PLCXD1: variants seen among roughly 807,000 people sequenced by gnomAD.
PLCXD1 encodes PI-PLC X domain-containing protein 1.
Under a neutral mutation model 37.8 loss-of-function variants are expected in PLCXD1, and 45 were observed. The observed-to-expected ratio is 1.19, with a 90% CI of 0.94 to 1.53. The LOEUF is 1.53. PLCXD1 is among the 40% of genes most tolerant of loss of function. PLCXD1 has a pLI of 0.00. For missense variants in PLCXD1, 539 were observed against 454.7 expected (o/e 1.19, Z -1.69); for synonymous variants, 246 against 206.9 (o/e 1.19, Z -1.62).
rs765671866 is a variant in PLCXD1 at position 289,725 on chromosome X, A to C, written c.264+856A>C. 8.6e-5 allele frequency among the ~76,000 whole-genome samples: 13 copies of C among 150,916 alleles called. No individual in the cohort carries two copies. The East Asian group carries it at 2.4e-3, about 28-fold the overall frequency. On this transcript the variant is annotated intron_variant, in intron 3 of 6. Coordinates refer to ENST00000381657, the MANE Select transcript of PLCXD1 (RefSeq NM_018390.4). Reference sequence around the variant, plus strand: ...TCAGGGTTTCACTGTGTTAGCCAGGATGGTCTCGAACTCCTGACCTCGTGA... The same window carrying C: ...TCAGGGTTTCACTGTGTTAGCCAGGCTGGTCTCGAACTCCTGACCTCGTGA...
chrX:302,993 C>T lies in PLCXD1; in HGVS notation c.*3658C>T, dbSNP rs1702661012. 3 of 152,250 alleles carry T rather than the reference C, an allele frequency of 2.0e-5. No individual in the cohort carries two copies. The highest frequency in any genetic ancestry group is 3.4e-3 in the Middle Eastern group (1 of 296). 9.4% of individuals were successfully genotyped at this position (152,250 alleles called of 1,614,324 possible). A position where few individuals can be genotyped will look rare whatever the true frequency, so the allele number is the denominator to read the frequency against. On this transcript the variant is annotated 3_prime_UTR_variant, in exon 7 of 7. Coordinates refer to ENST00000381657, the MANE Select transcript of PLCXD1 (RefSeq NM_018390.4). Reference sequence around the variant, plus strand: ...AAGCAAATCGTGCATTTTTGTCTAACGAGAGACATCAGTTTCTCAGGATGA... The same window carrying T: ...AAGCAAATCGTGCATTTTTGTCTAATGAGAGACATCAGTTTCTCAGGATGA...
intron 2 of PLCXD1, among the ~76,000 whole-genome samples, chrX:284,638 GCA>G (rs1360503414): frequency 4.2e-4 from 60 of 143,616 alleles, no homozygotes; most frequent in East Asian, 4.0e-3. Context: ...ACGCACATCT[GCA>G]CACACACATG....
intron 6 of PLCXD1, among the ~76,000 whole-genome samples, chrX:294,538 G>A (rs2069744349): frequency 6.6e-6 from 1 of 151,808 alleles, no homozygotes; most frequent in African/African-American, 2.4e-5. Context: ...GCTGAGGCAG[G>A]AGAAATGCTT....
Position 282,662 on chromosome X carries a change from G to A in PLCXD1, c.-22+978G>A, listed in dbSNP as rs1259402140. On this transcript the variant is annotated intron_variant, in intron 1 of 6. Coordinates refer to ENST00000381657, the MANE Select transcript of PLCXD1 (RefSeq NM_018390.4). ...GGAGGTTGCAGTGAGCCGCGATCGCGCCATTGCAGTCCAGCCTGGGCAACG... is the reference window on the plus strand; with the variant it reads ...GGAGGTTGCAGTGAGCCGCGATCGCACCATTGCAGTCCAGCCTGGGCAACG... Among the ~76,000 whole-genome samples, 26 of 146,460 alleles carry A rather than the reference G, an allele frequency of 1.8e-4. 1 individual carries two copies. Among genetic ancestry groups the A allele is most frequent in the South Asian group, 6.4e-4 (3 of 4,682 alleles).
rs1251047547 is a variant in PLCXD1 at position 301,952 on chromosome X, A to G, written c.*2617A>G. Reference sequence around the variant, plus strand: ...CAAGCCAGTATTTCCCTGGCCCTAAATCATTCCTGGCTGGGTCCCAGCCCA... The same window carrying G: ...CAAGCCAGTATTTCCCTGGCCCTAAGTCATTCCTGGCTGGGTCCCAGCCCA... On this transcript the variant is annotated 3_prime_UTR_variant, in exon 7 of 7. Coordinates refer to ENST00000381657, the MANE Select transcript of PLCXD1 (RefSeq NM_018390.4). 2 of 152,318 alleles carry G rather than the reference A, an allele frequency of 1.3e-5. No individual in the cohort carries two copies. Among genetic ancestry groups the G allele is most frequent in the Non-Finnish European group, 2.9e-5 (2 of 68,178 alleles). The allele number at this position is 152,318 out of a possible 1,614,324, so 9.4% of individuals were successfully genotyped here. A position where few individuals can be genotyped will look rare whatever the true frequency, so the allele number is the denominator to read the frequency against.
chrX:289,722 A>G (rs953202083), intron 3 of PLCXD1, among the ~76,000 whole-genome samples: 3 of 151,168 alleles, frequency 2.0e-5, no homozygotes, highest in African/African-American at 4.9e-5. Context: ...TGTGTTAGCC[A>G]GGATGGTCTC....
At chrX:296,208 C>A (rs1281500951) in intron 6 of PLCXD1, among the ~76,000 whole-genome samples, 1 of 151,972 alleles carries the variant, frequency 6.6e-6, no homozygotes, top group African/African-American at 2.4e-5. Context: ...GCAACCTCCA[C>A]CTCCTGGATT....
At chrX:286,133 C>A (rs752071549) in intron 2 of PLCXD1, among the ~76,000 whole-genome samples, 2 of 151,924 alleles carry the variant, frequency 1.3e-5, no homozygotes, top group East Asian at 3.9e-4. Context: ...GGCTCCACCT[C>A]AGCTCATCGC....
At chrX:296,382 C>A (rs1467771608) in intron 6 of PLCXD1, among the ~76,000 whole-genome samples, 4 of 152,136 alleles carry the variant, frequency 2.6e-5, no homozygotes, top group Admixed American at 1.3e-4. Flanking sequence ...CTCAACCTCT[C>A]AACGTGCTGG....
chrX:290,548 G>A, intron 3 of PLCXD1, 100 bp from the exon 4 acceptor site: 2 of 1,287,296 alleles, frequency 1.6e-6, no homozygotes, highest in Non-Finnish European at 2.2e-6. Context: ...CGTCCCAGTG[G>A]GCAGCAGGAC....
At chrX:292,417 C>G (rs979725052) in intron 5 of PLCXD1, among the ~76,000 whole-genome samples, 78 of 151,838 alleles carry the variant, frequency 5.1e-4, no homozygotes, top group Non-Finnish European at 9.7e-4. Flanking sequence ...CGAGATCGCG[C>G]CACTGCATTC....
At chrX:278,267 G>A (rs971615085), upstream of PLCXD1, among the ~76,000 whole-genome samples, 36 of 152,072 alleles carry the variant, frequency 2.4e-4, no homozygotes, top group African/African-American at 8.7e-4. Context: ...GACTGTGACG[G>A]GGGAAGGGAC....
rs192937042 is a variant in PLCXD1, at chrX:289,790, C to T, written c.265-858C>T. On this transcript the variant is annotated intron_variant, in intron 3 of 6. Transcript: ENST00000381657. ...CCTCCCAAAGTGCTGGGATTACAGGCGTCAGCCACCGCGCCCGGCCGAGAC... is the reference window on the plus strand; with the variant it reads ...CCTCCCAAAGTGCTGGGATTACAGGTGTCAGCCACCGCGCCCGGCCGAGAC... 2.6e-3 allele frequency among the ~76,000 whole-genome samples: 400 copies of T among 152,004 alleles called. 8 individuals are homozygous for T. The East Asian group carries it at 0.053, about 20-fold the overall frequency.
chrX:295,971 G>A lies in PLCXD1; in HGVS notation c.733+2753G>A, dbSNP rs751169904. 6.7e-5 allele frequency among the ~76,000 whole-genome samples: 10 copies of A among 150,066 alleles called. 1 individual carries two copies. Among genetic ancestry groups the A allele is most frequent in the African/African-American group, 2.4e-4 (10 of 40,920 alleles). ...TTCTCCCGCCTCAGCCTCCCACCAC[G>A]CCCGGCTAATTTTTATTTTTAGTAG... is the stretch of plus-strand genomic sequence containing the variant. On this transcript the variant is annotated intron_variant, in intron 6 of 6. Transcript: ENST00000381657.
chrX:282,690 A>G (rs1183898719), intron 1 of PLCXD1, among the ~76,000 whole-genome samples: 1 of 144,614 alleles, frequency 6.9e-6, no homozygotes, highest in East Asian at 2.0e-4. Flanking sequence ...GGGCAACGAG[A>G]GGGAAACTGT....
chrX:290,872 C>T, intron 4 of PLCXD1, 96 bp downstream of exon 4: 1 of 466,006 alleles, frequency 2.1e-6, no homozygotes, highest in Non-Finnish European at 3.4e-6. Context: ...GCAAGGGGGA[C>T]AGCGGGAGGC....
At chrX:294,491 A>G (rs865801892) in intron 6 of PLCXD1, among the ~76,000 whole-genome samples, 7,370 of 149,518 alleles carry the variant, frequency 0.049, 600 homozygotes, top group African/African-American at 0.17. Flanking sequence ...CAAAAAAAAA[A>G]AAAAAATAGG....
Position 299,374 on chromosome X carries a change from T to G in PLCXD1, c.*39T>G. Reference sequence around the variant, plus strand: ...AAGTTCGGGACGCGGCGGCTGCAGTTTCACCCCCGAATTTCCAAGTATTGT... The same window carrying G: ...AAGTTCGGGACGCGGCGGCTGCAGTGTCACCCCCGAATTTCCAAGTATTGT... On this transcript the variant is annotated 3_prime_UTR_variant, in exon 7 of 7. Coordinates refer to ENST00000381657, the MANE Select transcript of PLCXD1 (RefSeq NM_018390.4). 7.1e-7 allele frequency: 1 copy of G among 1,407,946 alleles called. No homozygotes were observed. The highest frequency in any genetic ancestry group is 1.0e-6 in the Non-Finnish European group (1 of 992,342). The allele number at this position is 1,407,946 out of a possible 1,614,324, so 87.2% of individuals were successfully genotyped here.
At position 300,502 on chromosome X, in the gene PLCXD1, A is replaced by G. The variant is rs1422084276; in HGVS notation, c.*1167A>G. On this transcript the variant is annotated 3_prime_UTR_variant, in exon 7 of 7. Coordinates refer to ENST00000381657, the MANE Select transcript of PLCXD1 (RefSeq NM_018390.4). Reference sequence around the variant, plus strand: ...TGTATATGTGTGTATGTGTGTATATATGTATATGTGTGCATATGTGTATAC... The same window carrying G: ...TGTATATGTGTGTATGTGTGTATATGTGTATATGTGTGCATATGTGTATAC... The G allele has an allele frequency of 6.0e-5, 8 of 133,660 alleles. No individual in the cohort carries two copies. Among genetic ancestry groups the G allele is most frequent in the Admixed American group, 2.1e-4 (3 of 14,156 alleles). 8.3% of individuals were successfully genotyped at this position (133,660 alleles called of 1,614,324 possible).
Sources: allele counts gnomAD v4.1 joint callset (sites outside exome capture counted in the v4.1 genomes callset), GRCh38; gene constraint gnomAD v4.1.1; transcripts MANE v1.5; gene names NCBI Gene and HGNC (gene_info 2026-07-23, HGNC 2026-07-21).